Variants in NR3C2 observed in about 807,000 individuals in gnomAD.
The protein encoded by NR3C2 is nuclear receptor subfamily 3 group C member 2, also known as mineralocorticoid receptor.
In NR3C2, 15 loss-of-function variants were observed where a neutral mutation model predicts 86.4. The observed-to-expected ratio is 0.17, with a 90% CI of 0.12 to 0.27. The LOEUF (loss-of-function observed/expected upper bound fraction) is 0.27. Among genes scored for constraint, NR3C2 ranks in the 10% least tolerant of loss-of-function variants. The pLI, the probability that NR3C2 is intolerant of heterozygous loss-of-function variation, is 1.00. For missense variants in NR3C2, 960 were observed against 1,195.6 expected, an observed-to-expected ratio of 0.80 and a Z score of 2.91; for synonymous variants, 458 against 450.5, an observed-to-expected ratio of 1.02 and a Z score of -0.21.
At chr4:148,301,780 A>T (rs1295956374) in intron 2 of NR3C2, among the ~76,000 whole-genome samples, 1 of 152,178 alleles carries the variant, frequency 6.6e-6, no homozygotes, top group African/African-American at 2.4e-5. Flanking sequence ...TCAGTTTCAA[A>T]GTTGTCTTTC....
intron 2 of NR3C2, among the ~76,000 whole-genome samples, chr4:148,402,762 C>A (rs1579256462): frequency 6.6e-6 from 1 of 152,180 alleles, no homozygotes; most frequent in East Asian, 1.9e-4. Flanking sequence ...ATTTAAAAGT[C>A]TTCAGCATTA....
At chr4:148,110,708 A>G (rs1010427465) in intron 8 of NR3C2, among the ~76,000 whole-genome samples, 1 of 152,216 alleles carries the variant, frequency 6.6e-6, no homozygotes, top group African/African-American at 2.4e-5. Context: ...ATATTTCAAA[A>G]TAAAGCTTTT....
intron 3 of NR3C2, among the ~76,000 whole-genome samples, chr4:148,240,775 G>C (rs553005626): frequency 6.6e-6 from 1 of 152,250 alleles, no homozygotes; most frequent in African/African-American, 2.4e-5. Context: ...GGGAACAAAG[G>C]AACACATCTG....
At chr4:148,307,276 G>A (rs1742677000) in intron 2 of NR3C2, among the ~76,000 whole-genome samples, 2 of 152,180 alleles carry the variant, frequency 1.3e-5, no homozygotes, top group East Asian at 3.9e-4. Flanking sequence ...CATTTTTGAC[G>A]ATTTCAGATC....
chr4:148,127,789 CACTT>C (rs1254926459), intron 6 of NR3C2, among the ~76,000 whole-genome samples: 1 of 152,168 alleles, frequency 6.6e-6, no homozygotes, highest in Non-Finnish European at 1.5e-5. Flanking sequence ...TTTTAAAAAA[CACTT>C]CAATAGTTTT....
upstream of NR3C2, among the ~76,000 whole-genome samples, chr4:148,443,469 A>G (rs1750454054): frequency 6.6e-6 from 1 of 152,090 alleles, no homozygotes; most frequent in African/African-American, 2.4e-5. Flanking sequence ...GGAAGGAACC[A>G]AACTGTTTTC....
chr4:148,379,686 C>A (rs1746862559), intron 2 of NR3C2, among the ~76,000 whole-genome samples: 1 of 152,178 alleles, frequency 6.6e-6, no homozygotes, highest in Non-Finnish European at 1.5e-5. Flanking sequence ...TAAGCACCTT[C>A]CATTTTCTAA....
intron 2 of NR3C2, among the ~76,000 whole-genome samples, chr4:148,315,844 C>T (rs1475831814): frequency 6.6e-6 from 1 of 152,102 alleles, no homozygotes; most frequent in African/African-American, 2.4e-5. Flanking sequence ...TGGTAAAATA[C>T]AATTTCTACA....
chr4:148,333,570 G>A (rs1379462887), intron 2 of NR3C2, among the ~76,000 whole-genome samples: 1 of 150,448 alleles, frequency 6.6e-6, no homozygotes, highest in Non-Finnish European at 1.5e-5. Context: ...ATGAAAAGTT[G>A]GAAGGACCAC....
intron 2 of NR3C2, among the ~76,000 whole-genome samples, chr4:148,409,831 T>A (rs1748606968): frequency 6.6e-6 from 1 of 152,132 alleles, no homozygotes; most frequent in African/African-American, 2.4e-5. Context: ...AAATTCTGTT[T>A]TTTAACCAGT....
chr4:148,313,487 T>G (rs1476171092), intron 2 of NR3C2, among the ~76,000 whole-genome samples: 1 of 152,228 alleles, frequency 6.6e-6, no homozygotes, highest in Non-Finnish European at 1.5e-5. Context: ...TAAAATATTA[T>G]TGTAAGTTTT....
At chr4:148,280,697 G>A (rs1741190784) in intron 2 of NR3C2, among the ~76,000 whole-genome samples, 1 of 152,018 alleles carries the variant, frequency 6.6e-6, no homozygotes, top group Non-Finnish European at 1.5e-5. Context: ...TAGAGATAGG[G>A]TCTCACTATG....
At chr4:148,202,180 C>G (rs2149809236) in intron 3 of NR3C2, among the ~76,000 whole-genome samples, 1 of 152,290 alleles carries the variant, frequency 6.6e-6, no homozygotes, top group Middle Eastern at 3.4e-3. Flanking sequence ...TTGCTCCTGC[C>G]CCAGTACCCA....
intron 2 of NR3C2, among the ~76,000 whole-genome samples, chr4:148,316,613 A>G (rs986288954): frequency 1.3e-5 from 2 of 152,134 alleles, no homozygotes; most frequent in Non-Finnish European, 2.9e-5. Context: ...TAAGGAGGAA[A>G]TTTTTATAAT....
At chr4:148,179,444 A>T (rs1002259484) in intron 4 of NR3C2, among the ~76,000 whole-genome samples, 4 of 151,744 alleles carry the variant, frequency 2.6e-5, no homozygotes, top group African/African-American at 9.7e-5. Context: ...TGTATACCCA[A>T]TTTTTCCAAC....
intron 3 of NR3C2, among the ~76,000 whole-genome samples, chr4:148,238,628 TAAC>T (rs1322786378): frequency 6.6e-6 from 1 of 152,116 alleles, no homozygotes; most frequent in Non-Finnish European, 1.5e-5. Flanking sequence ...GACAGACATT[TAAC>T]AACTGTCCAG....
intron 7 of NR3C2, among the ~76,000 whole-genome samples, chr4:148,117,310 C>T (rs1488925076): frequency 6.6e-6 from 1 of 152,216 alleles, no homozygotes; most frequent in Non-Finnish European, 1.5e-5. Flanking sequence ...GCTGGCCCCA[C>T]CTCCCTACCA....
chr4:148,259,215 C>T (rs1739974095), intron 3 of NR3C2, among the ~76,000 whole-genome samples: 1 of 152,176 alleles, frequency 6.6e-6, no homozygotes, highest in South Asian at 2.1e-4. Flanking sequence ...TTGTCCATTA[C>T]ACAATGAATC....
chr4:148,138,607 C>T (rs1012850389), intron 6 of NR3C2, among the ~76,000 whole-genome samples: 22 of 152,138 alleles, frequency 1.4e-4, no homozygotes, highest in African/African-American at 4.3e-4. Flanking sequence ...TGGTCTTGAA[C>T]TCCTGAGCTC....
Sources: gnomAD v4.1 joint callset for allele counts (sites outside exome capture counted in the v4.1 genomes callset) on GRCh38, gnomAD v4.1.1 for gene constraint, MANE v1.5 for transcripts, NCBI Gene and HGNC (gene_info 2026-07-23, HGNC 2026-07-21) for gene names.